WBP4: variants seen among roughly 807,000 people sequenced by gnomAD.
WBP4 encodes WW domain binding protein 4, also known as WW domain-binding protein 4.
Under a neutral mutation model 55.4 loss-of-function variants are expected in WBP4, and 37 were observed. The ratio of observed to expected loss-of-function variants is 0.67; its 90% CI spans 0.51 to 0.88. WBP4 has a LOEUF of 0.88. WBP4 is among the 40% of genes least tolerant of loss of function. The probability of loss-of-function intolerance (pLI) is 0.00; values close to 1 mark genes in which losing one functional copy is unlikely to be tolerated. For synonymous variants in WBP4, 142 were observed against 140.2 expected (o/e 1.01, Z -0.09); for missense variants, 398 against 420.8 (o/e 0.95, Z 0.47).
In WBP4 at chr13:41,062,096, GTTTTTTTTTT is replaced by G. The variant is rs60658317; in HGVS notation, c.2+440_2+449del. The stretch of plus-strand genomic sequence containing the variant: ...GCGGCCAGCCCTGGATAGCGTAATG[GTTTTTTTTTT>G]TTTTTTTTTTTTTTTTTTGTCGGCC... On this transcript the variant is annotated intron_variant, in intron 1 of 9. Coordinates refer to ENST00000379487, the MANE Select transcript of WBP4 (RefSeq NM_007187.5). 584 of 805,768 alleles carry G rather than the reference GTTTTTTTTTT, an allele frequency of 7.2e-4. 3 individuals carry two copies. The African/African-American group carries it at 0.015, about 21-fold the overall frequency. The allele number at this position is 805,768 out of a possible 1,614,324, so 49.9% of individuals were successfully genotyped here.
At chr13:41,069,291 G>A (rs1374432135) in intron 5 of WBP4, among the ~76,000 whole-genome samples, 1 of 151,842 alleles carries the variant, frequency 6.6e-6, no homozygotes, top group Non-Finnish European at 1.5e-5. Context: ...CTTTTGAGGG[G>A]CCGAGGAGGG....
intron 9 of WBP4, 70 bp downstream of exon 9, chr13:41,080,879 CAGTA>C: frequency 6.8e-7 from 1 of 1,477,800 alleles, no homozygotes; most frequent in Non-Finnish European, 9.2e-7. Flanking sequence ...CCCTAAATTG[CAGTA>C]AGTAATTTCA....
At chr13:41,074,771 G>T (rs913844714) in intron 7 of WBP4, among the ~76,000 whole-genome samples, 2 of 152,126 alleles carry the variant, frequency 1.3e-5, no homozygotes, top group African/African-American at 2.4e-5. Context: ...GAGGCAGGCG[G>T]ATCACTTGAG....
Position 41,068,745 on chromosome 13 carries a change from AT to A in WBP4, c.439+11del. ...ATGATCTTATCTCAGGAGGTAAGTC[AT>A]TTAGGCATAAAACTGGTAAAGAACA... On this transcript the variant is annotated intron_variant, in intron 5 of 9. Transcript: ENST00000379487. 6.4e-7 allele frequency: 1 copy of A among 1,560,638 alleles called. No homozygotes were observed. The highest frequency in any genetic ancestry group is 8.7e-7 in the Non-Finnish European group (1 of 1,155,246).
chr13:41,061,771 C>T, intron 1 of WBP4, 96 bp downstream of exon 1: 2 of 1,578,816 alleles, frequency 1.3e-6, no homozygotes, highest in Admixed American at 3.6e-5. Context: ...CGCCCTTCGG[C>T]CGGGGGCGTG....
rs938384007 is a variant in WBP4, at chr13:41,083,899, A to G, written c.*985A>G. The G allele has an allele frequency of 1.3e-5, 2 of 152,178 alleles. No homozygotes were observed. The highest frequency in any genetic ancestry group is 2.9e-5 in the Non-Finnish European group (2 of 68,024). 9.4% of individuals were successfully genotyped at this position (152,178 alleles called of 1,614,324 possible). A position where few individuals can be genotyped will look rare whatever the true frequency, so the allele number is the denominator to read the frequency against. ...TTACTTTTCAAATTCACAAAATTAC[A>G]TTTCTCATAAATTGTATAGTATTTA... is the stretch of plus-strand genomic sequence containing the variant. On this transcript the variant is annotated 3_prime_UTR_variant, in exon 10 of 10. Coordinates refer to ENST00000379487, the MANE Select transcript of WBP4 (RefSeq NM_007187.5).
intron 2 of WBP4, 66 bp from the exon 3 acceptor site, chr13:41,064,950 T>G (rs1224131721): frequency 8.8e-6 from 12 of 1,359,220 alleles, no homozygotes; most frequent in Non-Finnish European, 1.2e-5. Flanking sequence ...GAGAAAATTA[T>G]GTTTACTATG....
At chr13:41,074,763 G>A (rs757531955) in intron 7 of WBP4, among the ~76,000 whole-genome samples, 3 of 152,172 alleles carry the variant, frequency 2.0e-5, no homozygotes, top group Non-Finnish European at 4.4e-5. Flanking sequence ...GGGAAGTTGA[G>A]GCAGGCGGAT....
chr13:41,069,834 C>T (rs1206390688), intron 5 of WBP4, among the ~76,000 whole-genome samples: 3 of 149,572 alleles, frequency 2.0e-5, no homozygotes, highest in Non-Finnish European at 3.0e-5. Context: ...GCCCAGATCG[C>T]GCCATTTCAC....
Position 41,082,726 on chromosome 13 carries a change from C to G in WBP4, c.943C>G (p.Pro315Ala). Residue 315 changes from proline (P) to alanine (A), a missense_variant, in exon 10 of 10, where the codon CCA (proline) becomes GCA (alanine). Physicochemically the swap from Pro to Ala is conservative, Grantham distance 27. Transcript: ENST00000379487. The stretch of plus-strand genomic sequence containing the variant: ...CAGTGAGGAGGTAGATTTGGAACTT[C>G]CAAGCACTGAAAATGAGTATGTATC... ...ESHEEVDLEL[P>A]STENEYVSTS... is the part of the protein sequence containing the mutation. The G allele has an allele frequency of 1.9e-6, 3 of 1,613,934 alleles. No individual in the cohort carries two copies. The highest frequency in any genetic ancestry group is 2.5e-6 in the Non-Finnish European group (3 of 1,179,976).
chr13:41,072,136 C>T (rs575106088), intron 6 of WBP4, among the ~76,000 whole-genome samples: 6 of 151,454 alleles, frequency 4.0e-5, no homozygotes, highest in Admixed American at 1.3e-4. Context: ...TTGCCATTCA[C>T]ATGTTCCTGT....
chr13:41,066,459 G>A (rs17061753), intron 4 of WBP4, among the ~76,000 whole-genome samples: 1,910 of 151,864 alleles, frequency 0.013, 25 homozygotes, highest in African/African-American at 0.033. Context: ...TCTATTTGCC[G>A]GTTGTTTTAT....
intron 4 of WBP4, among the ~76,000 whole-genome samples, chr13:41,065,738 A>G (rs145378916): frequency 4.7e-4 from 71 of 152,322 alleles, no homozygotes; most frequent in African/African-American, 1.7e-3. Context: ...GTGGACAATT[A>G]GCAGATTTTA....
At chr13:41,073,070 T>A (rs911566312) in intron 7 of WBP4, among the ~76,000 whole-genome samples, 1 of 152,260 alleles carries the variant, frequency 6.6e-6, no homozygotes, top group Non-Finnish European at 1.5e-5. Context: ...CCAATGTTAT[T>A]CTCAGTTGAT....
intron 9 of WBP4, among the ~76,000 whole-genome samples, chr13:41,081,707 G>A (rs888017620): frequency 6.6e-6 from 1 of 152,060 alleles, no homozygotes; most frequent in African/African-American, 2.4e-5. Context: ...CCAGTACCTT[G>A]GGAGGCTAAG....
chr13:41,072,916 G>C (rs991316915), intron 7 of WBP4, 59 bp downstream of exon 7: 115 of 1,371,768 alleles, frequency 8.4e-5, no homozygotes, highest in Non-Finnish European at 2.0e-5. Flanking sequence ...CTGCTTATTG[G>C]CCTGCTGATT....
chr13:41,079,137 G>A (rs1278277290), intron 8 of WBP4, among the ~76,000 whole-genome samples: 1 of 152,124 alleles, frequency 6.6e-6, no homozygotes. Flanking sequence ...GGGGGAAAAG[G>A]ACATGAACAG....
chr13:41,078,788 T>G (rs1878621696), intron 8 of WBP4, among the ~76,000 whole-genome samples: 1 of 151,716 alleles, frequency 6.6e-6, no homozygotes, highest in Non-Finnish European at 1.5e-5. Context: ...GATCGTGCCG[T>G]TGCATTCCAG....
rs568874560 is a variant in WBP4, at chr13:41,069,693, G to A, written c.439+956G>A. On this transcript the variant is annotated intron_variant, in intron 5 of 9. Coordinates refer to ENST00000379487, the MANE Select transcript of WBP4 (RefSeq NM_007187.5). ...TGTACTCCAGCCTGGGCGACAGAGCGAGACTCTGCCTCAAAAAAAAAAAAA... is the reference window on the plus strand; with the variant it reads ...TGTACTCCAGCCTGGGCGACAGAGCAAGACTCTGCCTCAAAAAAAAAAAAA... 2.1e-3 allele frequency among the ~76,000 whole-genome samples: 264 copies of A among 124,836 alleles called. 4 individuals carry two copies. Among genetic ancestry groups the A allele is most frequent in the Non-Finnish European group, 1.9e-3 (114 of 61,328 alleles). 81.9% of individuals were successfully genotyped at this position (124,836 alleles called of 152,430 possible). A position where few individuals can be genotyped will look rare whatever the true frequency, so the allele number is the denominator to read the frequency against.
Sources: gnomAD v4.1 joint callset for allele counts (sites outside exome capture counted in the v4.1 genomes callset) on GRCh38, gnomAD v4.1.1 for gene constraint, MANE v1.5 for transcripts, NCBI Gene and HGNC (gene_info 2026-07-23, HGNC 2026-07-21) for gene names.